TRMT1L: variants seen among roughly 807,000 people sequenced by gnomAD.
The protein encoded by TRMT1L is tRNA (guanine(27)-N(2))-dimethyltransferase.
In TRMT1L, 28 loss-of-function variants were observed where a neutral mutation model predicts 81.6. That is an observed-to-expected ratio of 0.34 (90% confidence interval 0.25 to 0.47). The LOEUF (loss-of-function observed/expected upper bound fraction) is 0.47. TRMT1L is among the 20% of genes least tolerant of loss of function. The pLI, the probability that TRMT1L is intolerant of heterozygous loss-of-function variation, is 1.00. For missense variants in TRMT1L, 739 were observed against 877.1 expected (o/e 0.84, Z 1.99); for synonymous variants, 301 against 303.2 (o/e 0.99, Z 0.07).
chr1:185,156,554 TGGAGCCGAGGCCGGAGTC>T lies in TRMT1L; in HGVS notation c.141_158del (p.Thr48_Pro53del). ...CCTGGGCCAGGGCAGGGGCTGGGGC[TGGAGCCGAGGCCGGAGTC>T]GGAGCCGAGTCCAGAGCCGAATCCG... On this transcript the variant is annotated inframe_deletion, in exon 1 of 15. Transcript: ENST00000367506. 2.5e-6 allele frequency: 4 copies of T among 1,604,562 alleles called. No individual in the cohort carries two copies. Among genetic ancestry groups the T allele is most frequent in the Non-Finnish European group, 3.4e-6 (4 of 1,175,940 alleles).
intron 2 of TRMT1L, among the ~76,000 whole-genome samples, chr1:185,151,219 T>C (rs765149351): frequency 9.1e-4 from 139 of 152,278 alleles, no homozygotes; most frequent in Admixed American, 1.6e-3. Flanking sequence ...GAATCATTAA[T>C]AACTCATTTA....
At position 185,127,759 on chromosome 1, in the gene TRMT1L, C is replaced by CAAAA. The variant is rs986438990; in HGVS notation, c.1592+906_1592+909dup. Among the ~76,000 whole-genome samples, 60 of 36,422 alleles carry CAAAA rather than the reference C, an allele frequency of 1.6e-3. 1 individual carries two copies. Among genetic ancestry groups the CAAAA allele is most frequent in the African/African-American group, 4.3e-3 (47 of 10,912 alleles). The allele number at this position is 36,422 out of a possible 152,430, so 23.9% of individuals were successfully genotyped here. On this transcript the variant is annotated intron_variant, in intron 11 of 14. Coordinates refer to ENST00000367506, the MANE Select transcript of TRMT1L (RefSeq NM_030934.5). Reference sequence around the variant, plus strand: ...GGGCAACAAGAGTGAAACTCTGTCTCAAAAAAAAAAAAAAAAAAAAAAAAG... The same window carrying CAAAA: ...GGGCAACAAGAGTGAAACTCTGTCTCAAAAAAAAAAAAAAAAAAAAAAAAAAAAG...
At position 185,149,780 on chromosome 1, in the gene TRMT1L, T is replaced by C. The variant is rs535579248; in HGVS notation, c.460+599A>G. On this transcript the variant is annotated intron_variant, in intron 3 of 14. Transcript: ENST00000367506. ...AGCCCTTTAACTTGAAAAGTTCTTG[T>C]TTTCTGTCCTTCGATTTTATTCTTT... Among the ~76,000 whole-genome samples the C allele has an allele frequency of 2.6e-5, 4 of 152,330 alleles. No individual in the cohort carries two copies. In the East Asian group the frequency reaches 7.7e-4, roughly 29 times the overall value.
Position 185,139,505 on chromosome 1 carries a change from A to G in TRMT1L, c.1184T>C (p.Val395Ala). The change falls in exon 9 of 15, where the codon GTG (valine) becomes GCG (alanine). Residue 395 changes from valine (V) to alanine (A), a missense_variant. Physicochemically the swap from Val to Ala is moderately conservative, Grantham distance 64. Coordinates refer to ENST00000367506, the MANE Select transcript of TRMT1L (RefSeq NM_030934.5). Reference sequence around the variant, plus strand: ...ACTGATATCTGTAGAAGTCACTGACACTATGCCAAGGTTTCTTATATTTCT... The same window carrying G: ...ACTGATATCTGTAGAAGTCACTGACGCTATGCCAAGGTTTCTTATATTTCT... ...AFRNIRNLGI[V>A]SVTSTDISSL... 1 of 1,614,144 alleles carries G rather than the reference A, an allele frequency of 6.2e-7. No homozygotes were observed. Among genetic ancestry groups the G allele is most frequent in the Non-Finnish European group, 8.5e-7 (1 of 1,180,008 alleles).
chr1:185,151,835 AT>A lies in TRMT1L; in HGVS notation c.335del (p.Asn112IlefsTer56). On this transcript the variant is annotated frameshift_variant, in exon 2 of 15. Transcript: ENST00000367506. LOFTEE classifies it high-confidence loss of function. ...CAAACATGGAAATACCTGCATCAAGATTATCTGAGTTCAATGAGCTGGCAGA... is the reference window on the plus strand; with the variant it reads ...CAAACATGGAAATACCTGCATCAAGATATCTGAGTTCAATGAGCTGGCAGA... ...FDSASSLNSDNLDAGNRQACP... is the reference protein window; with the variant it reads ...FDSASSLNSDXLDAGNRQACP... 6.3e-7 allele frequency: 1 copy of A among 1,578,942 alleles called. No homozygotes were observed. The highest frequency in any genetic ancestry group is 1.2e-5 in the South Asian group (1 of 84,558).
chr1:185,120,662 CCTTCA>C (rs1220536064), intron 13 of TRMT1L, 153 bp from the exon 14 acceptor site: 4 of 666,016 alleles, frequency 6.0e-6, no homozygotes, highest in African/African-American at 5.7e-5. Flanking sequence ...TTTTCACGGT[CCTTCA>C]CTTATGTAAT....
chr1:185,120,271 C>A lies in TRMT1L; in HGVS notation c.1950G>T (p.Lys650Asn). 6.5e-7 allele frequency: 1 copy of A among 1,538,382 alleles called. No homozygotes were observed. Among genetic ancestry groups the A allele is most frequent in the South Asian group, 1.3e-5 (1 of 74,502 alleles). The change falls in exon 15 of 15, where the codon AAG becomes AAT. Residue 650 changes from lysine (K) to asparagine (N), a missense_variant and splice_region_variant. Physicochemically the swap from Lys to Asn is moderately conservative, Grantham distance 94. Transcript: ENST00000367506. ...RHSIKGMNMP[K>N]LKKFLCYLSQ... ...ATAAATAGCACAAAAACTTTTTTAA[C>A]CTGCAAAAAGGAAAGGAAAGAAAAA...
chr1:185,134,458 A>T (rs1018670932), intron 10 of TRMT1L, among the ~76,000 whole-genome samples: 1 of 152,246 alleles, frequency 6.6e-6, no homozygotes, highest in Admixed American at 6.5e-5. Flanking sequence ...AACTGTTGGG[A>T]TTACAGGCGT....
At chr1:185,138,186 G>A (rs1031960881) in intron 9 of TRMT1L, among the ~76,000 whole-genome samples, 1 of 152,020 alleles carries the variant, frequency 6.6e-6, no homozygotes, top group African/African-American at 2.4e-5. Context: ...CTATATGCAG[G>A]ATAGTATGCT....
intron 10 of TRMT1L, among the ~76,000 whole-genome samples, chr1:185,132,733 G>A (rs965806772): frequency 6.6e-6 from 1 of 152,150 alleles, no homozygotes; most frequent in South Asian, 2.1e-4. Context: ...CTCACTGGAA[G>A]CTAGAAGACA....
intron 7 of TRMT1L, among the ~76,000 whole-genome samples, chr1:185,142,926 T>C (rs1653087621): frequency 6.6e-6 from 1 of 152,210 alleles, no homozygotes; most frequent in South Asian, 2.1e-4. Flanking sequence ...TTTTAAAACA[T>C]ATTATGAGAT....
chr1:185,145,651 G>C, intron 4 of TRMT1L, 83 bp from the exon 5 acceptor site: 1 of 1,367,674 alleles, frequency 7.3e-7, no homozygotes, highest in South Asian at 1.3e-5. Flanking sequence ...GTACATTAGT[G>C]TCTTGGATTT....
Position 185,156,900 on chromosome 1 carries a change from G to A in TRMT1L, c.-188C>T. On this transcript the variant is annotated 5_prime_UTR_variant, in exon 1 of 15. Coordinates refer to ENST00000367506, the MANE Select transcript of TRMT1L (RefSeq NM_030934.5). ...AAATCCTGTTAGTAGAAAACAGAAA[G>A]CCAGAGGCAGCGATTCCAGATGCCC... 1 of 778,842 alleles carries A rather than the reference G, an allele frequency of 1.3e-6. No homozygotes were observed. Among genetic ancestry groups the A allele is most frequent in the Non-Finnish European group, 1.9e-6 (1 of 521,386 alleles). 48.2% of individuals were successfully genotyped at this position (778,842 alleles called of 1,614,324 possible). A position where few individuals can be genotyped will look rare whatever the true frequency, so the allele number is the denominator to read the frequency against.
chr1:185,127,494 C>T (rs930900522), intron 11 of TRMT1L, among the ~76,000 whole-genome samples: 6 of 151,960 alleles, frequency 3.9e-5, no homozygotes, highest in African/African-American at 1.2e-4. Context: ...CGGTAGCTCA[C>T]ACCTGTAATC....
At chr1:185,149,972 T>C (rs1328750451) in intron 3 of TRMT1L, among the ~76,000 whole-genome samples, 1 of 152,222 alleles carries the variant, frequency 6.6e-6, no homozygotes, top group Non-Finnish European at 1.5e-5. Context: ...CCAGTAGTTT[T>C]TTTAAGCCAT....
chr1:185,141,685 CAG>C lies in TRMT1L; in HGVS notation c.860-1465_860-1464del, dbSNP rs558400144. The stretch of plus-strand genomic sequence containing the variant: ...TACCACTGTACTCCAGCCTGGGTGA[CAG>C]AGCGAAACTCTGTCTCAAAAGAGTA... On this transcript the variant is annotated intron_variant, in intron 7 of 14. Coordinates refer to ENST00000367506, the MANE Select transcript of TRMT1L (RefSeq NM_030934.5). 1.6e-3 allele frequency among the ~76,000 whole-genome samples: 238 copies of C among 152,196 alleles called. 1 individual carries two copies. The highest frequency in any genetic ancestry group is 5.5e-3 in the African/African-American group (227 of 41,500).
At chr1:185,129,665 G>A (rs115757294) in intron 10 of TRMT1L, among the ~76,000 whole-genome samples, 19 of 152,302 alleles carry the variant, frequency 1.2e-4, no homozygotes, top group African/African-American at 4.1e-4. Context: ...AACACAGGTC[G>A]ATAGCCTCTT....
chr1:185,139,905 T>C, intron 8 of TRMT1L, 68 bp downstream of exon 8: 1 of 1,502,268 alleles, frequency 6.7e-7, no homozygotes. Context: ...TCTTAATTTT[T>C]AACTACTCCT....
chr1:185,141,375 CCTTAGATATTAG>C (rs1653037877), intron 7 of TRMT1L, among the ~76,000 whole-genome samples: 1 of 152,084 alleles, frequency 6.6e-6, no homozygotes, highest in Non-Finnish European at 1.5e-5. Context: ...GAAATATATT[CCTTAGATATTAG>C]CTTTAATGAC....
Sources: gnomAD v4.1 joint callset for allele counts (sites outside exome capture counted in the v4.1 genomes callset) on GRCh38, gnomAD v4.1.1 for gene constraint, MANE v1.5 for transcripts, NCBI Gene and HGNC (gene_info 2026-07-23, HGNC 2026-07-21) for gene names.